The following SPATA7 variants were observed in gnomAD, a reference collection of about 807,000 sequenced individuals.
The protein encoded by SPATA7 is spermatogenesis-associated protein 7.
A neutral mutation model predicts 51.8 loss-of-function variants in SPATA7; 43 were observed. The ratio of observed to expected loss-of-function variants is 0.83; its 90% CI spans 0.65 to 1.07. The LOEUF (loss-of-function observed/expected upper bound fraction) is 1.07, where lower values mean the gene tolerates loss of function less well. Ranked by LOEUF, SPATA7 falls within the 50% of genes least tolerant of loss-of-function variation. The pLI is 0.00. For missense variants in SPATA7, 683 were observed against 701.3 expected (o/e 0.97, Z 0.30); for synonymous variants, 230 against 252.8 (o/e 0.91, Z 0.86).
intron 3 of SPATA7, among the ~76,000 whole-genome samples, chr14:88,443,844 T>G (rs1372067258): frequency 6.6e-6 from 1 of 152,228 alleles, no homozygotes; most frequent in Non-Finnish European, 1.5e-5. Flanking sequence ...TAGTATTGCA[T>G]GGTGTGTATG....
At chr14:88,447,700 C>A (rs1269302389) in intron 3 of SPATA7, among the ~76,000 whole-genome samples, 2 of 151,966 alleles carry the variant, frequency 1.3e-5, no homozygotes, top group Middle Eastern at 3.4e-3. Context: ...AATCTCTCAG[C>A]ATTTGCTTGT....
chr14:88,468,062 T>A, intron 4 of SPATA7: 1 of 1,538,516 alleles, frequency 6.5e-7, no homozygotes, highest in Non-Finnish European at 8.9e-7. Context: ...AACGGGAAAG[T>A]ATGAGTTAGG....
chr14:88,387,426 A>G (rs888196500), intron 1 of SPATA7, among the ~76,000 whole-genome samples: 4 of 144,976 alleles, frequency 2.8e-5, no homozygotes, highest in African/African-American at 1.2e-4. Flanking sequence ...ATCACCAAAT[A>G]ACCAGGGCAG....
intron 1 of SPATA7, among the ~76,000 whole-genome samples, chr14:88,388,065 G>A (rs1323857172): frequency 1.3e-5 from 2 of 152,058 alleles, no homozygotes; most frequent in East Asian, 1.9e-4. Flanking sequence ...AGCCAGGCAT[G>A]GTGGCGTGCG....
intron 3 of SPATA7, among the ~76,000 whole-genome samples, chr14:88,453,765 A>C (rs1436813467): frequency 6.6e-6 from 1 of 152,202 alleles, no homozygotes; most frequent in East Asian, 1.9e-4. Context: ...ACCGATTCAT[A>C]CTTCAGTGAT....
intron 4 of SPATA7, among the ~76,000 whole-genome samples, chr14:88,413,942 G>A (rs139201861): frequency 1.8e-3 from 277 of 152,174 alleles, no homozygotes; most frequent in African/African-American, 6.6e-3. Flanking sequence ...TGTGCTGTTG[G>A]ATTCAGTTTG....
At chr14:88,415,609 A>G (rs1595238377) in intron 4 of SPATA7, among the ~76,000 whole-genome samples, 1 of 151,898 alleles carries the variant, frequency 6.6e-6, no homozygotes, top group Admixed American at 6.6e-5. Flanking sequence ...CAAGGTTAAT[A>G]TTGATATGTG....
At chr14:88,422,522 G>A (rs1374218137) in intron 5 of SPATA7, among the ~76,000 whole-genome samples, 1 of 149,808 alleles carries the variant, frequency 6.7e-6, no homozygotes, top group Non-Finnish European at 1.5e-5. Context: ...TAAGAATGGG[G>A]TTTCTTGAAA....
chr14:88,408,737 TG>T (rs1318342717), intron 4 of SPATA7, among the ~76,000 whole-genome samples: 1 of 152,178 alleles, frequency 6.6e-6, no homozygotes, highest in Non-Finnish European at 1.5e-5. Context: ...TGATATTGGC[TG>T]TGGGTTTGTC....
intron 5 of SPATA7, among the ~76,000 whole-genome samples, chr14:88,423,974 T>C (rs1264047668): frequency 2.6e-5 from 4 of 152,198 alleles, no homozygotes; most frequent in South Asian, 2.1e-4. Flanking sequence ...ATTCTTGACA[T>C]GAAAGTATGA....
At chr14:88,459,032 T>G (rs1400593892), downstream of SPATA7, among the ~76,000 whole-genome samples, 4 of 152,208 alleles carry the variant, frequency 2.6e-5, no homozygotes, top group Non-Finnish European at 4.4e-5. Flanking sequence ...TTGAGCGGTT[T>G]TGAGTGAGTT....
At position 88,426,292 on chromosome 14, in the gene SPATA7, T is replaced by C. The variant is rs1221049762; in HGVS notation, c.433T>C (p.Ser145Pro). ...MLKEEMNGFS[S>P]FARSLVPSSE... ...AAAAGAAGAAATGAATGGATTTTCATCCTTTGCAAGGTCACTAGTACCCTC... is the reference window on the plus strand; with the variant it reads ...AAAAGAAGAAATGAATGGATTTTCACCCTTTGCAAGGTCACTAGTACCCTC... The change falls in exon 6 of 12, where the codon TCC becomes CCC. Residue 145 changes from serine to proline, a missense_variant. Ser to Pro is a moderately conservative substitution (Grantham distance 74, BLOSUM62 -1). Coordinates refer to ENST00000393545, the MANE Select transcript of SPATA7 (RefSeq NM_018418.5). 3 of 1,614,068 alleles carry C rather than the reference T, an allele frequency of 1.9e-6. No homozygotes were observed. Among genetic ancestry groups the C allele is most frequent in the South Asian group, 2.2e-5 (2 of 91,092 alleles).
intron 3 of SPATA7, among the ~76,000 whole-genome samples, chr14:88,449,992 A>G (rs750711483): frequency 6.6e-6 from 1 of 151,950 alleles, no homozygotes; most frequent in Non-Finnish European, 1.5e-5. Context: ...TACCATTTCA[A>G]TCTTGCTGCT....
intron 4 of SPATA7, among the ~76,000 whole-genome samples, chr14:88,409,248 C>G (rs1241503019): frequency 6.6e-6 from 1 of 152,022 alleles, no homozygotes; most frequent in Admixed American, 6.6e-5. Context: ...GGTTGGTAGG[C>G]TATTAATTAC....
At chr14:88,419,337 G>C (rs1197884240) in intron 5 of SPATA7, among the ~76,000 whole-genome samples, 3 of 151,084 alleles carry the variant, frequency 2.0e-5, no homozygotes, top group African/African-American at 4.9e-5. Flanking sequence ...TTACCTTAAT[G>C]CTTTTTCTAT....
intron 4 of SPATA7, chr14:88,468,930 G>C: frequency 6.2e-7 from 1 of 1,614,162 alleles, no homozygotes; most frequent in Non-Finnish European, 8.5e-7. Context: ...TTGTGTTCCA[G>C]GCAGGCGATC....
intron 4 of SPATA7, among the ~76,000 whole-genome samples, chr14:88,397,576 A>C (rs948723944): frequency 2.0e-5 from 3 of 151,600 alleles, no homozygotes; most frequent in Non-Finnish European, 4.4e-5. Context: ...CAGGGAGGTC[A>C]AGGCTGCAGT....
intron 7 of SPATA7, chr14:88,428,155 T>A (rs1384995590): frequency 1.3e-5 from 2 of 152,614 alleles, no homozygotes; most frequent in African/African-American, 4.8e-5. Flanking sequence ...TTGCCTCTGC[T>A]TTTTCTAGAC....
At chr14:88,444,892 G>A (rs540036021) in intron 3 of SPATA7, among the ~76,000 whole-genome samples, 5 of 152,158 alleles carry the variant, frequency 3.3e-5, no homozygotes, top group South Asian at 2.1e-4. Flanking sequence ...CTGTAGCCTT[G>A]TAGTATAGTA....
Sources: gnomAD v4.1 joint callset for allele counts (sites outside exome capture counted in the v4.1 genomes callset) on GRCh38, gnomAD v4.1.1 for gene constraint, MANE v1.5 for transcripts, NCBI Gene and HGNC (gene_info 2026-07-23, HGNC 2026-07-21) for gene names.